Variants in JAKMIP3 observed in about 807,000 individuals in gnomAD.
The protein encoded by JAKMIP3 is janus kinase and microtubule-interacting protein 3.
A neutral mutation model predicts 118.5 loss-of-function variants in JAKMIP3; 58 were observed. The ratio of observed to expected loss-of-function variants is 0.49; its 90% CI spans 0.40 to 0.61. The LOEUF is 0.61. Among genes scored for constraint, JAKMIP3 ranks in the 20% least tolerant of loss-of-function variants. The pLI, the probability that JAKMIP3 is intolerant of heterozygous loss-of-function variation, is 0.00. For synonymous variants in JAKMIP3, 486 were observed against 451.2 expected (o/e 1.08, Z -0.98); for missense variants, 950 against 1,109.0 (o/e 0.86, Z 2.04).
At position 132,104,746 on chromosome 10, in the gene JAKMIP3, C is replaced by A; in HGVS notation, c.-63C>A. 6.6e-7 allele frequency: 1 copy of A among 1,524,162 alleles called. No homozygotes were observed. The highest frequency in any genetic ancestry group is 8.9e-7 in the Non-Finnish European group (1 of 1,127,912). 94.4% of individuals were successfully genotyped at this position (1,524,162 alleles called of 1,614,324 possible). A position where few individuals can be genotyped will look rare whatever the true frequency, so the allele number is the denominator to read the frequency against. On this transcript the variant is annotated 5_prime_UTR_variant, in exon 2 of 24. Coordinates refer to ENST00000684848, the MANE Select transcript of JAKMIP3 (RefSeq NM_001323087.2). The stretch of plus-strand genomic sequence containing the variant: ...AGCTTGGCGTGGACACCCCAGCCAC[C>A]CCCAGCCCAGCCCAGCCGGAGCACC...
intron 1 of JAKMIP3, among the ~76,000 whole-genome samples, chr10:132,056,009 G>C (rs1564853130): frequency 6.6e-6 from 1 of 152,112 alleles, no homozygotes; most frequent in Non-Finnish European, 1.5e-5. Context: ...CTCCACCTGG[G>C]GACACTTGAG....
chr10:132,087,722 T>A (rs2042574533), intron 1 of JAKMIP3, among the ~76,000 whole-genome samples: 1 of 151,918 alleles, frequency 6.6e-6, no homozygotes, highest in African/African-American at 2.4e-5. Context: ...TTTTTTTTTT[T>A]TATACTTTAA....
intron 1 of JAKMIP3, among the ~76,000 whole-genome samples, chr10:132,075,996 G>A (rs1162589184): frequency 6.6e-6 from 1 of 151,742 alleles, no homozygotes; most frequent in East Asian, 1.9e-4. Flanking sequence ...TGTTTTTTTG[G>A]TAACAGCTTT....
At chr10:132,175,655 G>A (rs1426640224) in intron 23 of JAKMIP3, among the ~76,000 whole-genome samples, 3 of 152,136 alleles carry the variant, frequency 2.0e-5, no homozygotes, top group Admixed American at 2.0e-4. Context: ...GCGCCTGAAT[G>A]CCAATGAGCA....
chr10:132,142,483 G>A (rs981220944), intron 11 of JAKMIP3, among the ~76,000 whole-genome samples: 2 of 137,670 alleles, frequency 1.5e-5, no homozygotes, highest in African/African-American at 3.0e-5. Context: ...TGCCTGCCCC[G>A]GCCCCGGCCC....
At chr10:132,089,263 A>C (rs1274431570) in intron 1 of JAKMIP3, among the ~76,000 whole-genome samples, 2 of 152,140 alleles carry the variant, frequency 1.3e-5, no homozygotes, top group African/African-American at 4.8e-5. Flanking sequence ...TGGTAGCTTG[A>C]TGGGGATGGC....
chr10:132,149,367 A>G (rs750971961), intron 14 of JAKMIP3, 45 bp from the exon 15 acceptor site: 5 of 1,272,524 alleles, frequency 3.9e-6, no homozygotes, highest in South Asian at 1.3e-5. Context: ...CTTAGAGGGA[A>G]GGGATGGGAG....
At chr10:132,155,220 ATGG>A (rs879314961) in intron 19 of JAKMIP3, among the ~76,000 whole-genome samples, 16 of 150,786 alleles carry the variant, frequency 1.1e-4, no homozygotes, top group Non-Finnish European at 1.6e-4. Flanking sequence ...ATCAATGATG[ATGG>A]TGATGATGGT....
In JAKMIP3 at chr10:132,104,916, G is replaced by A. The variant is rs11146177; in HGVS notation, c.108G>A (p.Gln36=). 0.19 allele frequency: 295,928 copies of A among 1,589,786 alleles called. 28,608 individuals carry two copies. The highest frequency in any genetic ancestry group is 0.19 in the East Asian group (8,414 of 43,386). ...EDLRAKLTDI[Q]IELQQEKSKV... ...TTCGAGCCAAGCTCACAGACATCCAGATCGAGCTGCAGCAGGAGAAGAGCA... is the reference window on the plus strand; with the variant it reads ...TTCGAGCCAAGCTCACAGACATCCAAATCGAGCTGCAGCAGGAGAAGAGCA... Residue 36 remains glutamine, a synonymous_variant, in exon 2 of 24, where the codon CAG becomes CAA. Transcript: ENST00000684848.
Position 132,112,462 on chromosome 10 carries a change from C to G in JAKMIP3, c.136-4615C>G, listed in dbSNP as rs1011670557. On this transcript the variant is annotated intron_variant, in intron 2 of 23. Transcript: ENST00000684848. This position sits in a 1 kb window ranked among gnomAD's most constrained non-coding sequence, Gnocchi z 4.3. ...GCTTCCAGAACATTCCATCCCGCCT[C>G]TGTTCTTTCGGGCTGTTAGGTTTTA... 6.6e-6 allele frequency among the ~76,000 whole-genome samples: 1 copy of G among 152,216 alleles called. No individual in the cohort carries two copies. Among genetic ancestry groups the G allele is most frequent in the Non-Finnish European group, 1.5e-5 (1 of 68,034 alleles).
chr10:132,156,930 G>GA (rs2057168182), intron 19 of JAKMIP3, among the ~76,000 whole-genome samples: 1 of 152,058 alleles, frequency 6.6e-6, no homozygotes, highest in South Asian at 2.1e-4. Flanking sequence ...TTACAACACA[G>GA]AAAAATCCAA....
chr10:132,145,276 C>T (rs1054592585), intron 12 of JAKMIP3, 86 bp downstream of exon 12: 12 of 1,159,166 alleles, frequency 1.0e-5, no homozygotes, highest in Admixed American at 6.3e-5. Flanking sequence ...TTCAGTGGTG[C>T]GATCATAACT....
intron 3 of JAKMIP3, among the ~76,000 whole-genome samples, chr10:132,120,350 G>A (rs1416273393): frequency 3.3e-5 from 5 of 152,074 alleles, no homozygotes; most frequent in Admixed American, 2.0e-4. Context: ...TCCCATCCGC[G>A]GTGTGACTCG....
At chr10:132,063,054 C>T (rs944891742), upstream of JAKMIP3, among the ~76,000 whole-genome samples, 22 of 152,198 alleles carry the variant, frequency 1.4e-4, no homozygotes, top group African/African-American at 4.6e-4. Flanking sequence ...GCCAGCAGGA[C>T]GGGTGGGTCT....
rs1450695730 is a variant in JAKMIP3, at chr10:132,180,761, G to A, written c.*1104-1596G>A. On this transcript the variant is annotated intron_variant, in intron 23 of 23. Transcript: ENST00000684848. ...TGCGTGCGTGCGCGCGCGTGTGTGC[G>A]TGTGTGTGCGTGTGTGTGTGTGCGC... Among the ~76,000 whole-genome samples the A allele has an allele frequency of 1.4e-4, 4 of 27,800 alleles. 1 individual carries two copies. The highest frequency in any genetic ancestry group is 2.9e-4 in the African/African-American group (2 of 6,910). The allele number at this position is 27,800 out of a possible 152,430, so 18.2% of individuals were successfully genotyped here. A position where few individuals can be genotyped will look rare whatever the true frequency, so the allele number is the denominator to read the frequency against.
rs747045263 is a variant in JAKMIP3 at position 132,104,845 on chromosome 10, G to A, written c.37G>A (p.Asp13Asn). The change falls in exon 2 of 24, where the codon GAC (aspartate) becomes AAC (asparagine). Residue 13 changes from aspartate to asparagine, a missense_variant. Asp to Asn is a conservative substitution (Grantham distance 23). Coordinates refer to ENST00000684848, the MANE Select transcript of JAKMIP3 (RefSeq NM_001323087.2). ...KRGMSSRAKG[D>N]KAEALAALQA... ...GGGCATGAGCAGCCGGGCCAAGGGG[G>A]ACAAGGCAGAGGCCCTCGCGGCGCT... 6.4e-7 allele frequency: 1 copy of A among 1,555,216 alleles called. No homozygotes were observed. Among genetic ancestry groups the A allele is most frequent in the Non-Finnish European group, 8.7e-7 (1 of 1,149,430 alleles).
chr10:132,111,596 G>A (rs2046887993), intron 2 of JAKMIP3, among the ~76,000 whole-genome samples: 1 of 151,938 alleles, frequency 6.6e-6, no homozygotes, highest in African/African-American at 2.4e-5. Flanking sequence ...CACTTTGGAG[G>A]GAGAAAGGGG....
rs2046977420 is a variant in JAKMIP3, at chr10:132,112,184, C to T, written c.136-4893C>T. On this transcript the variant is annotated intron_variant, in intron 2 of 23. Coordinates refer to ENST00000684848, the MANE Select transcript of JAKMIP3 (RefSeq NM_001323087.2). The surrounding 1 kb of genome is among the most constrained non-coding windows in gnomAD (Gnocchi z 4.3). ...ATCAAGGACTCTGCGTGAGACAGGA[C>T]ACCGTGGAGCCTCACACCAACATCC... Among the ~76,000 whole-genome samples the T allele has an allele frequency of 6.6e-6, 1 of 152,120 alleles. No individual in the cohort carries two copies. The highest frequency in any genetic ancestry group is 2.4e-5 in the African/African-American group (1 of 41,414).
At chr10:132,145,902 G>A (rs2814175) in intron 13 of JAKMIP3, among the ~76,000 whole-genome samples, 16,212 of 152,276 alleles carry the variant, frequency 0.11, 1,560 homozygotes, top group African/African-American at 0.25. Context: ...TCGTGACAGA[G>A]GAGCTTTATT....
Sources: gnomAD v4.1 joint callset for allele counts (sites outside exome capture counted in the v4.1 genomes callset) on GRCh38, gnomAD v4.1.1 for gene constraint, Gnocchi (gnomAD v3.1) non-coding constraint, MANE v1.5 for transcripts, NCBI Gene and HGNC (gene_info 2026-07-23, HGNC 2026-07-21) for gene names.